Variants in CC2D2B observed in about 807,000 individuals in gnomAD.
CC2D2B encodes the protein protein CC2D2B.
CC2D2B carries 128 observed loss-of-function variants against 161.2 expected under a neutral mutation model. The observed-to-expected ratio is 0.79, with a 90% confidence interval of 0.69 to 0.92. The LOEUF (loss-of-function observed/expected upper bound fraction) is 0.92. Among genes scored for constraint, CC2D2B ranks in the 40% least tolerant of loss-of-function variants. The pLI, the probability that CC2D2B is intolerant of heterozygous loss-of-function variation, is 0.00. For missense variants in CC2D2B, 1,173 were observed against 1,375.1 expected (o/e 0.85, Z 2.32); for synonymous variants, 391 against 449.8 (o/e 0.87, Z 1.65).
chr10:95,983,937 T>G (rs1236096834), intron 19 of CC2D2B, 128 bp downstream of exon 19: 1 of 439,974 alleles, frequency 2.3e-6, no homozygotes. Context: ...TCCCTTCTCT[T>G]TAGGCATTAA....
chr10:95,985,791 A>C (rs1371990439), intron 19 of CC2D2B, among the ~76,000 whole-genome samples: 1 of 152,188 alleles, frequency 6.6e-6, no homozygotes, highest in African/African-American at 2.4e-5. Flanking sequence ...TTTCTCAGCA[A>C]GGAACAGCCC....
In CC2D2B at chr10:95,926,815, A is replaced by AGTGT. The variant is rs71486778; in HGVS notation, c.241-393_241-390dup. Among the ~76,000 whole-genome samples, 408 of 135,018 alleles carry AGTGT rather than the reference A, an allele frequency of 3.0e-3. 4 individuals carry two copies. Among genetic ancestry groups the AGTGT allele is most frequent in the East Asian group, 0.026 (126 of 4,772 alleles). The allele number at this position is 135,018 out of a possible 152,430, so 88.6% of individuals were successfully genotyped here. A position where few individuals can be genotyped will look rare whatever the true frequency, so the allele number is the denominator to read the frequency against. ...ATGAAAGATTGTGGGCTGAGGTGGC[A>AGTGT]GTGTGTGTGTGTGTGTGTGTGTGTG... On this transcript the variant is annotated intron_variant, in intron 5 of 34. Coordinates refer to ENST00000646931, the MANE Select transcript of CC2D2B (RefSeq NM_001349008.3).
intron 2 of CC2D2B, among the ~76,000 whole-genome samples, chr10:95,911,565 A>G (rs1415284290): frequency 6.6e-6 from 1 of 152,142 alleles, no homozygotes; most frequent in Non-Finnish European, 1.5e-5. Context: ...TTATTTATGT[A>G]TGTATTTATT....
chr10:95,954,225 A>T (rs1474521659), intron 10 of CC2D2B, among the ~76,000 whole-genome samples: 3 of 152,086 alleles, frequency 2.0e-5, no homozygotes, highest in African/African-American at 7.2e-5. Context: ...ATTTGTGAGT[A>T]TATATGTGTG....
chr10:95,999,535 TA>T (rs2078377146), intron 24 of CC2D2B, among the ~76,000 whole-genome samples: 1 of 152,122 alleles, frequency 6.6e-6, no homozygotes, highest in African/African-American at 2.4e-5. Flanking sequence ...AAATATTTCA[TA>T]AATAATATCT....
chr10:95,909,884 T>C (rs2098502967), intron 1 of CC2D2B, among the ~76,000 whole-genome samples: 1 of 152,244 alleles, frequency 6.6e-6, no homozygotes, highest in African/African-American at 2.4e-5. Flanking sequence ...CAGTGGCTCA[T>C]GCCTATAATT....
intron 11 of CC2D2B, 29 bp downstream of exon 11, chr10:95,955,520 A>G (rs542925055): frequency 7.3e-5 from 29 of 398,006 alleles, no homozygotes; most frequent in African/African-American, 4.9e-4. Flanking sequence ...ATGTTCATCA[A>G]GCATTCATTA....
chr10:96,027,706 A>C (rs1199145951), intron 34 of CC2D2B, among the ~76,000 whole-genome samples: 3 of 152,206 alleles, frequency 2.0e-5, no homozygotes, highest in African/African-American at 4.8e-5. Flanking sequence ...AAAAAAACCC[A>C]CAAAACTGCA....
Position 95,996,148 on chromosome 10 carries a change from T to A in CC2D2B, c.2745T>A (p.Thr915=). The part of the protein sequence containing the change: ...VASDETLHED[T]VHPFVEVSFQ... Reference sequence around the variant, plus strand: ...ATGTTTATTATGTGTTTCAGGATACTGTACATCCATTCGTGGAAGTTTCTT... The same window carrying A: ...ATGTTTATTATGTGTTTCAGGATACAGTACATCCATTCGTGGAAGTTTCTT... Residue 915 remains threonine (T), a synonymous_variant, in exon 24 of 35, where the codon ACT becomes ACA. Transcript: ENST00000646931. 1 of 1,446,958 alleles carries A rather than the reference T, an allele frequency of 6.9e-7. No homozygotes were observed. Among genetic ancestry groups the A allele is most frequent in the Non-Finnish European group, 9.3e-7 (1 of 1,073,758 alleles). 89.6% of individuals were successfully genotyped at this position (1,446,958 alleles called of 1,614,324 possible).
intron 17 of CC2D2B, among the ~76,000 whole-genome samples, chr10:95,981,204 C>T (rs541917400): frequency 1.1e-3 from 160 of 152,168 alleles, no homozygotes; most frequent in Admixed American, 3.0e-3. Context: ...CCATCCTGGC[C>T]AACATGGTGA....
At chr10:95,952,480 A>G (rs952731668) in intron 10 of CC2D2B, 6 of 152,052 alleles carry the variant, frequency 3.9e-5, no homozygotes, top group African/African-American at 1.4e-4. Context: ...CTCTCCCTGT[A>G]TTTCTATATG....
At chr10:96,024,282 T>G (rs2141945562) in intron 32 of CC2D2B, among the ~76,000 whole-genome samples, 1 of 152,274 alleles carries the variant, frequency 6.6e-6, no homozygotes, top group Admixed American at 6.5e-5. Flanking sequence ...TGCATGCACA[T>G]GTGTGCATAC....
intron 10 of CC2D2B, among the ~76,000 whole-genome samples, chr10:95,953,002 A>G (rs1371645123): frequency 6.6e-6 from 1 of 152,176 alleles, no homozygotes; most frequent in Non-Finnish European, 1.5e-5. Flanking sequence ...CTGGCAAGGC[A>G]GGACAGAGCC....
At chr10:95,977,106 T>C (rs1054119987) in intron 17 of CC2D2B, among the ~76,000 whole-genome samples, 51 of 250 alleles carry the variant, frequency 0.2, no homozygotes, top group African/African-American at 0.34. Context: ...GCGTGGTGGC[T>C]CACCGTGTAA....
intron 9 of CC2D2B, among the ~76,000 whole-genome samples, chr10:95,944,381 G>T (rs2141302111): frequency 6.6e-6 from 1 of 152,150 alleles, no homozygotes; most frequent in African/African-American, 2.4e-5. Context: ...TACTATAAAA[G>T]AATCTATCAC....
rs1035541977 is a variant in CC2D2B, at chr10:95,974,071, C to T, written c.1858C>T (p.Leu620Phe). The T allele has an allele frequency of 8.9e-6, 11 of 1,230,804 alleles. No homozygotes were observed. Among genetic ancestry groups the T allele is most frequent in the African/African-American group, 3.1e-5 (2 of 64,382 alleles). The allele number at this position is 1,230,804 out of a possible 1,614,324, so 76.2% of individuals were successfully genotyped here. A position where few individuals can be genotyped will look rare whatever the true frequency, so the allele number is the denominator to read the frequency against. The change falls in exon 17 of 35, where the codon CTT becomes TTT. Residue 620 changes from leucine to phenylalanine, a missense_variant. Around this residue, in one of 3 missense-constraint regions of CC2D2B, gnomAD observed 277 missense variants for 420.6 expected, o/e 0.66. Transcript: ENST00000646931. ...EELCLLTSGKLSYSLSWSLDE... is the reference protein window; with the variant it reads ...EELCLLTSGKFSYSLSWSLDE... ...ACTCTGTCTTTTGACATCAGGAAAA[C>T]TTAGCTATTCTCTATCATGGAGCTT...
chr10:95,979,793 C>T (rs2077445876), intron 17 of CC2D2B, among the ~76,000 whole-genome samples: 1 of 152,208 alleles, frequency 6.6e-6, no homozygotes. Flanking sequence ...TATTCACAGG[C>T]TTGTACAACC....
chr10:95,984,809 A>G (rs1455225565), intron 19 of CC2D2B: 1 of 152,060 alleles, frequency 6.6e-6, no homozygotes, highest in Admixed American at 6.6e-5. Flanking sequence ...GGTCAAGGCT[A>G]CAGTGAGCTG....
intron 24 of CC2D2B, among the ~76,000 whole-genome samples, chr10:96,003,021 A>AATATATATAT (rs57187442): frequency 2.4e-3 from 332 of 140,674 alleles, no homozygotes; most frequent in African/African-American, 8.1e-3. Context: ...AAAATAAATA[A>AATATATATAT]ATATATATAT....
Sources: allele counts gnomAD v4.1 joint callset (sites outside exome capture counted in the v4.1 genomes callset), GRCh38; gene constraint gnomAD v4.1.1; regional missense constraint gnomAD v4.1.1; transcripts MANE v1.5; gene names NCBI Gene and HGNC (gene_info 2026-07-23, HGNC 2026-07-21).